The following GPHN variants were observed in gnomAD, a reference collection of about 807,000 sequenced individuals.
GPHN encodes gephyrin.
GPHN carries 17 observed loss-of-function variants against 95.5 expected under a neutral mutation model. That is an observed-to-expected ratio of 0.18 (90% CI 0.12 to 0.27). GPHN has a LOEUF of 0.27. GPHN is among the 10% of genes least tolerant of loss of function. GPHN has a pLI of 1.00. For synonymous variants in GPHN, 320 were observed against 322.5 expected (o/e 0.99, Z 0.08); for missense variants, 660 against 978.1 (o/e 0.67, Z 4.34).
chr14:67,716,389 G>A, the GPHN span, among the ~76,000 whole-genome samples: 4 of 151,964 alleles, frequency 2.6e-5, no homozygotes, highest in African/African-American at 7.3e-5. Flanking sequence ...GATTTCTTCA[G>A]CTGAAAAAAA....
At chr14:67,352,860 A>T in the GPHN span, 1 of 1,093,642 alleles carries the variant, frequency 9.1e-7, no homozygotes, top group Non-Finnish European at 1.3e-6. Flanking sequence ...CAAAAAAAAA[A>T]ATGCCAAGGG....
the GPHN span, among the ~76,000 whole-genome samples, chr14:67,215,418 T>TA: frequency 6.6e-6 from 1 of 152,016 alleles, no homozygotes; most frequent in Non-Finnish European, 1.5e-5. Context: ...TTTTTTTTTT[T>TA]ATGATAACCA....
chr14:67,586,481 C>T, the GPHN span: 1 of 1,134,536 alleles, frequency 8.8e-7, no homozygotes, highest in African/African-American at 1.6e-5. Context: ...CCCCTGGGTT[C>T]TGCTGACCCA....
chr14:66,727,883 C>G (rs2071391334), intron 2 of GPHN, among the ~76,000 whole-genome samples: 1 of 152,154 alleles, frequency 6.6e-6, no homozygotes, highest in Non-Finnish European at 1.5e-5. Flanking sequence ...ATGTTAATCC[C>G]CAATACAATG....
intron 1 of GPHN, among the ~76,000 whole-genome samples, chr14:66,619,756 A>C (rs1472612245): frequency 6.6e-6 from 1 of 152,140 alleles, no homozygotes; most frequent in Non-Finnish European, 1.5e-5. Context: ...GGCATTTTAA[A>C]ATGTTTCATT....
intron 2 of GPHN, among the ~76,000 whole-genome samples, chr14:66,707,053 A>G (rs199766287): frequency 1.1e-5 from 1 of 88,794 alleles, no homozygotes; most frequent in African/African-American, 1.8e-4. Context: ...CAAACATTTG[A>G]AAAAAAAAAA....
chr14:66,586,962 T>G (rs1318583271), intron 1 of GPHN, among the ~76,000 whole-genome samples: 1 of 152,032 alleles, frequency 6.6e-6, no homozygotes, highest in Non-Finnish European at 1.5e-5. Flanking sequence ...CAAAACAGAA[T>G]TGATTTTTTC....
the GPHN span, among the ~76,000 whole-genome samples, chr14:67,439,679 A>G: frequency 6.6e-5 from 10 of 151,920 alleles, no homozygotes; most frequent in African/African-American, 2.2e-4. Flanking sequence ...GTCTACAGTG[A>G]TGTTTTCTCC....
intron 10 of GPHN, among the ~76,000 whole-genome samples, chr14:67,038,892 G>A (rs10136622): frequency 0.33 from 49,910 of 151,906 alleles, 13,115 homozygotes; most frequent in African/African-American, 0.71. Flanking sequence ...AGTCAGTCAT[G>A]GAACCCTCTG....
At chr14:66,846,039 T>C (rs1230358583) in intron 4 of GPHN, among the ~76,000 whole-genome samples, 1 of 152,138 alleles carries the variant, frequency 6.6e-6, no homozygotes, top group African/African-American at 2.4e-5. Context: ...AGTTAAAAAA[T>C]GATGGACTTA....
chr14:67,301,702 T>G, the GPHN span, among the ~76,000 whole-genome samples: 1 of 152,150 alleles, frequency 6.6e-6, no homozygotes, highest in African/African-American at 2.4e-5. Context: ...TCTTCCCCCC[T>G]TTGGTTGTAT....
the GPHN span, among the ~76,000 whole-genome samples, chr14:67,565,128 T>A: frequency 1.3e-5 from 2 of 152,186 alleles, no homozygotes; most frequent in Admixed American, 1.3e-4. Context: ...AGGGCTCCTT[T>A]CCTTGCAAGG....
At chr14:67,649,511 T>C in the GPHN span, 1 of 152,208 alleles carries the variant, frequency 6.6e-6, no homozygotes, top group African/African-American at 2.4e-5. Context: ...ACATAAGTCA[T>C]GTATATATTT....
intron 9 of GPHN, among the ~76,000 whole-genome samples, chr14:66,987,913 C>A (rs1212388054): frequency 6.6e-6 from 1 of 152,064 alleles, no homozygotes; most frequent in Middle Eastern, 3.2e-3. Context: ...TTTTTCAATT[C>A]ATTTTCTGAT....
intron 2 of GPHN, among the ~76,000 whole-genome samples, chr14:66,707,304 C>T (rs577195418): frequency 1.7e-4 from 26 of 152,294 alleles, no homozygotes; most frequent in African/African-American, 5.8e-4. Flanking sequence ...ACAGCAATTC[C>T]ATTACTGGGT....
the GPHN span, among the ~76,000 whole-genome samples, chr14:67,329,928 G>A: frequency 2.0e-5 from 3 of 150,928 alleles, no homozygotes; most frequent in African/African-American, 7.3e-5. Flanking sequence ...GATGCAAAAT[G>A]TAACCAACCA....
intron 1 of GPHN, among the ~76,000 whole-genome samples, chr14:66,663,343 A>C (rs925615161): frequency 6.6e-6 from 1 of 152,196 alleles, no homozygotes; most frequent in South Asian, 2.1e-4. Context: ...AAAAAGAAAA[A>C]TTCCAGCCCA....
chr14:66,734,732 T>G (rs1375951097), intron 2 of GPHN, among the ~76,000 whole-genome samples: 1 of 152,226 alleles, frequency 6.6e-6, no homozygotes, highest in Non-Finnish European at 1.5e-5. Flanking sequence ...CAAACATTTA[T>G]GTAGTCTCCA....
chr14:67,349,179 A>T, the GPHN span: 16 of 1,387,580 alleles, frequency 1.2e-5, no homozygotes, highest in South Asian at 1.9e-4. Context: ...GGATAGTTTT[A>T]ACATTAAATG....
Sources: allele counts gnomAD v4.1 joint callset (sites outside exome capture counted in the v4.1 genomes callset), GRCh38; gene constraint gnomAD v4.1.1; transcripts MANE v1.5; gene names NCBI Gene and HGNC (gene_info 2026-07-23, HGNC 2026-07-21).